LGI2: variants seen among roughly 807,000 people sequenced by gnomAD.
LGI2 encodes leucine rich repeat LGI family member 2.
LGI2 carries 30 observed loss-of-function variants against 52.0 expected under a neutral mutation model. That is an observed-to-expected ratio of 0.58 (90% CI 0.43 to 0.78). The LOEUF is 0.78. Ranked by LOEUF, LGI2 falls within the 30% of genes least tolerant of loss-of-function variation. The pLI is 0.00. For synonymous variants in LGI2, 270 were observed against 271.8 expected, an observed-to-expected ratio of 0.99 and a Z score of 0.06; for missense variants, 573 against 692.5, an observed-to-expected ratio of 0.83 and a Z score of 1.94.
downstream of LGI2, among the ~76,000 whole-genome samples, chr4:24,994,428 G>T (rs912823858): frequency 6.6e-6 from 1 of 152,168 alleles, no homozygotes; most frequent in Non-Finnish European, 1.5e-5. Flanking sequence ...CCTTCCCTGT[G>T]GAGGGAGTCC....
rs1725335829 is a variant in LGI2, at chr4:25,004,226, T to A, written c.863A>T (p.Gln288Leu). 1 of 1,613,952 alleles carries A rather than the reference T, an allele frequency of 6.2e-7. No individual in the cohort carries two copies. The highest frequency in any genetic ancestry group is 8.5e-7 in the Non-Finnish European group (1 of 1,180,004). ...VGCKAILIDD[Q>L]VFVVVAQLFG... ...GAGCTGGGCTACCACCACAAAGACCTGATCATCGATGAGAATGGCCTTACA... is the reference window on the plus strand; with the variant it reads ...GAGCTGGGCTACCACCACAAAGACCAGATCATCGATGAGAATGGCCTTACA... The change falls in exon 8 of 8, where the codon CAG (glutamine) becomes CTG (leucine). Residue 288 changes from glutamine (Q) to leucine (L), a missense_variant. Coordinates refer to ENST00000382114, the MANE Select transcript of LGI2 (RefSeq NM_018176.4). This position sits in a 1 kb window ranked among gnomAD's most constrained non-coding sequence, Gnocchi z 4.6.
rs1725257306 is a variant in LGI2 at position 25,002,041 on chromosome 4, CACATA to C, written c.*1405_*1409del. 1 of 152,286 alleles carries C rather than the reference CACATA, an allele frequency of 6.6e-6. No homozygotes were observed. Among genetic ancestry groups the C allele is most frequent in the South Asian group, 2.1e-4 (1 of 4,832 alleles). The allele number at this position is 152,286 out of a possible 1,614,324, so 9.4% of individuals were successfully genotyped here. ...GGCGGAACATCCACTAAGAATCTTC[CACATA>C]ACCAGACCCCAGGAGCTTGCCTATT... On this transcript the variant is annotated 3_prime_UTR_variant, in exon 8 of 8. Transcript: ENST00000382114.
chr4:25,027,067 A>C (rs1726175333), intron 2 of LGI2, 128 bp from the exon 3 acceptor site: 1 of 696,870 alleles, frequency 1.4e-6, no homozygotes, highest in African/African-American at 1.8e-5. Context: ...TAAGGAGACC[A>C]CATTTTGTTG....
At chr4:25,027,018 A>G (rs1261162083) in intron 2 of LGI2, 79 bp from the exon 3 acceptor site, 1 of 1,138,776 alleles carries the variant, frequency 8.8e-7, no homozygotes, top group Non-Finnish European at 1.3e-6. Context: ...TTCCTTTGCT[A>G]CGTTTTGATC....
Position 25,004,269 on chromosome 4 carries a change from C to T in LGI2, c.821-1G>A, listed in dbSNP as rs1248766456. On this transcript the variant is annotated splice_acceptor_variant, in intron 7 of 7. Coordinates refer to ENST00000382114, the MANE Select transcript of LGI2 (RefSeq NM_018176.4). LOFTEE classifies it high-confidence loss of function. The surrounding 1 kb of genome is among the most constrained non-coding windows in gnomAD (Gnocchi z 4.6). ...GCCTTACAGCCCACGATGGACTGAC[C>T]TGTGCTCCAAAATAAAGGAGAGGAC... 1 of 1,607,288 alleles carries T rather than the reference C, an allele frequency of 6.2e-7. No homozygotes were observed. The highest frequency in any genetic ancestry group is 8.5e-7 in the Non-Finnish European group (1 of 1,177,290).
Position 25,030,505 on chromosome 4 carries a change from G to A in LGI2, c.189C>T (p.Ile63=), listed in dbSNP as rs751911249. Residue 63 remains isoleucine (I), a synonymous_variant, in exon 1 of 8, where the codon ATC becomes ATT. Transcript: ENST00000382114. ...SWVPRIVPGD[I]SSLSLVNGTF... Reference sequence around the variant, plus strand: ...GGAGGGGTCCCACTCACAGGGAGCTGATGTCGCCCGGCACGATCCTGGGCA... The same window carrying A: ...GGAGGGGTCCCACTCACAGGGAGCTAATGTCGCCCGGCACGATCCTGGGCA... 4 of 1,589,044 alleles carry A rather than the reference G, an allele frequency of 2.5e-6. No individual in the cohort carries two copies. Among genetic ancestry groups the A allele is most frequent in the Non-Finnish European group, 3.4e-6 (4 of 1,169,562 alleles).
downstream of LGI2, among the ~76,000 whole-genome samples, chr4:24,995,251 C>A (rs1725036997): frequency 6.6e-6 from 1 of 152,076 alleles, no homozygotes; most frequent in African/African-American, 2.4e-5. Context: ...ATTAATAGAC[C>A]CATTTGGCAG....
At chr4:25,005,694 C>CAAA in intron 7 of LGI2, among the ~76,000 whole-genome samples, 1 of 152,104 alleles carries the variant, frequency 6.6e-6, no homozygotes, top group Non-Finnish European at 1.5e-5. Flanking sequence ...AGTGAGGTCT[C>CAAA]AGAGGCAGGA....
At chr4:24,998,458 G>C (rs1413042488), downstream of LGI2, among the ~76,000 whole-genome samples, 1 of 152,188 alleles carries the variant, frequency 6.6e-6, no homozygotes, top group Non-Finnish European at 1.5e-5. Context: ...TTAGCTCCCA[G>C]ACATGCAGAA....
At position 25,003,698 on chromosome 4, in the gene LGI2, GC is replaced by G; in HGVS notation, c.1390del (p.Ala464ProfsTer2). 1.2e-6 allele frequency: 2 copies of G among 1,614,138 alleles called. No homozygotes were observed. Among genetic ancestry groups the G allele is most frequent in the Non-Finnish European group, 1.7e-6 (2 of 1,180,036 alleles). On this transcript the variant is annotated frameshift_variant, in exon 8 of 8. Coordinates refer to ENST00000382114, the MANE Select transcript of LGI2 (RefSeq NM_018176.4). LOFTEE classifies it high-confidence loss of function. ...AAAAGAAAAGGGCTGCAGGGTCATG[GC>G]CCCCCGGGATGGAAGAGCTTGGATC... Reference protein sequence around the residue: ...VEIQALPSRGAMTLQPFSFKD... With the variant: ...VEIQALPSRGXMTLQPFSFKD...
downstream of LGI2, among the ~76,000 whole-genome samples, chr4:24,994,634 G>A (rs551311156): frequency 2.0e-5 from 3 of 152,142 alleles, no homozygotes; most frequent in Admixed American, 6.5e-5. Flanking sequence ...CAGGTATGTC[G>A]AAATGTGTGT....
chr4:24,994,113 A>C (rs925486552), downstream of LGI2, among the ~76,000 whole-genome samples: 3 of 152,214 alleles, frequency 2.0e-5, no homozygotes, highest in East Asian at 3.8e-4. Context: ...GCAAATAAAA[A>C]ACCTAAAAGG....
the LGI2 span, among the ~76,000 whole-genome samples, chr4:24,992,669 G>A: frequency 1.3e-5 from 2 of 152,284 alleles, no homozygotes; most frequent in African/African-American, 4.8e-5. Context: ...GGCAACAAGA[G>A]CGAAACTCTG....
At chr4:24,994,618 T>C (rs180778052), downstream of LGI2, among the ~76,000 whole-genome samples, 1 of 152,294 alleles carries the variant, frequency 6.6e-6, no homozygotes, top group Non-Finnish European at 1.5e-5. Context: ...ACTGCAAATA[T>C]GTGACCAGGT....
chr4:25,009,402 C>T (rs1725501680), intron 7 of LGI2, among the ~76,000 whole-genome samples: 1 of 152,176 alleles, frequency 6.6e-6, no homozygotes, highest in South Asian at 2.1e-4. Flanking sequence ...ATTCAAGTAG[C>T]ACCTTCTTGA....
At chr4:25,027,069 A>C in intron 2 of LGI2, 130 bp from the exon 3 acceptor site, 1 of 686,956 alleles carries the variant, frequency 1.5e-6, no homozygotes, top group East Asian at 2.7e-5. Context: ...AGGAGACCAC[A>C]TTTTGTTGTC....
At chr4:25,029,154 C>T (rs966505623) in intron 1 of LGI2, among the ~76,000 whole-genome samples, 1 of 152,126 alleles carries the variant, frequency 6.6e-6, no homozygotes, top group Admixed American at 6.5e-5. Context: ...TTATTTCTGC[C>T]CCCAGGCCCC....
intron 7 of LGI2, among the ~76,000 whole-genome samples, chr4:25,010,506 A>G (rs914879240): frequency 1.3e-5 from 2 of 152,202 alleles, no homozygotes; most frequent in African/African-American, 4.8e-5. Context: ...TAGCATCCAC[A>G]TGAGGCACAT....
At chr4:25,007,578 A>ACTGT (rs1049118040) in intron 7 of LGI2, among the ~76,000 whole-genome samples, 1 of 142,260 alleles carries the variant, frequency 7.0e-6, no homozygotes, top group African/African-American at 2.6e-5. Context: ...CAGACAGATC[A>ACTGT]GTGTGTGTGT....
Sources: allele counts gnomAD v4.1 joint callset (sites outside exome capture counted in the v4.1 genomes callset), GRCh38; gene constraint gnomAD v4.1.1; non-coding constraint Gnocchi (gnomAD v3.1); transcripts MANE v1.5; gene names NCBI Gene and HGNC (gene_info 2026-07-23, HGNC 2026-07-21).